Variants in RYR2 observed in about 807,000 individuals in gnomAD.
RYR2 encodes the protein ryanodine receptor 2, also known as cardiac muscle ryanodine receptor-calcium release channel.
Under a neutral mutation model 601.1 loss-of-function variants are expected in RYR2, and 227 were observed. That is an observed-to-expected ratio of 0.38 (90% CI 0.34 to 0.42). RYR2 has a LOEUF of 0.42. Ranked by LOEUF, RYR2 falls within the 10% of genes least tolerant of loss-of-function variation. The pLI is 1.00. For missense variants in RYR2, 4,646 were observed against 6,156.5 expected, an observed-to-expected ratio of 0.75 and a Z score of 8.21; for synonymous variants, 2,223 against 2,175.1, an observed-to-expected ratio of 1.02 and a Z score of -0.61.
intron 1 of RYR2, among the ~76,000 whole-genome samples, chr1:237,208,946 A>ATGTG (rs1553342440): frequency 2.0e-5 from 1 of 49,738 alleles, no homozygotes; most frequent in African/African-American, 8.8e-5. Context: ...GTATATATAT[A>ATGTG]TATATATATA....
intron 55 of RYR2, among the ~76,000 whole-genome samples, chr1:237,660,400 A>G (rs1000485874): frequency 6.6e-6 from 1 of 152,132 alleles, no homozygotes; most frequent in African/African-American, 2.4e-5. Flanking sequence ...ATGACAAAGT[A>G]ATAATGTGCT....
chr1:237,050,110 T>C (rs1661069551), intron 1 of RYR2, among the ~76,000 whole-genome samples: 1 of 152,162 alleles, frequency 6.6e-6, no homozygotes, highest in Admixed American at 6.5e-5. Flanking sequence ...ATTGCTTTCA[T>C]GTTCGTTACC....
chr1:237,396,829 T>C lies in RYR2; in HGVS notation c.773+8646T>C, dbSNP rs567632350. ...TAAACTTCACATTTTATATCAAATC[T>C]AATTCCAAATAGATCACAGACTTAA... On this transcript the variant is annotated intron_variant, in intron 10 of 104. Transcript: ENST00000366574. 7.2e-5 allele frequency among the ~76,000 whole-genome samples: 11 copies of C among 152,286 alleles called. No homozygotes were observed. In the South Asian group the frequency reaches 2.1e-3, roughly 29 times the overall value.
At chr1:237,695,255 T>C (rs1687316088) in intron 63 of RYR2, among the ~76,000 whole-genome samples, 1 of 152,250 alleles carries the variant, frequency 6.6e-6, no homozygotes, top group Non-Finnish European at 1.5e-5. Flanking sequence ...AAACCCAATG[T>C]TGTCCCTATT....
At chr1:237,593,020 CAAA>C (rs34581689) in intron 32 of RYR2, among the ~76,000 whole-genome samples, 5 of 113,882 alleles carry the variant, frequency 4.4e-5, no homozygotes, top group Admixed American at 8.8e-5. Flanking sequence ...GAGTCTATCT[CAAA>C]AAAAAAAAAA....
rs1287380848 is a variant in RYR2 at position 237,792,394 on chromosome 1, T to C, written c.13782+71T>C. The C allele has an allele frequency of 2.8e-4, 216 of 776,456 alleles. 1 individual carries two copies. The Middle Eastern group carries it at 3.0e-3, about 11-fold the overall frequency. 48.1% of individuals were successfully genotyped at this position (776,456 alleles called of 1,614,324 possible). A position where few individuals can be genotyped will look rare whatever the true frequency, so the allele number is the denominator to read the frequency against. On this transcript the variant is annotated intron_variant, in intron 94 of 104. Transcript: ENST00000366574. ...GTGTGTGTGTGTGCGTGTGTGTGTG[T>C]GTGCGTGTGTGTGTGTGTGTGTGTG...
intron 86 of RYR2, among the ~76,000 whole-genome samples, chr1:237,772,841 A>C (rs1306863589): frequency 6.6e-6 from 1 of 152,136 alleles, no homozygotes; most frequent in Non-Finnish European, 1.5e-5. Flanking sequence ...AGTGTTGCTG[A>C]AAACACATTT....
At chr1:237,755,917 A>G (rs1234926515) in intron 80 of RYR2, among the ~76,000 whole-genome samples, 2 of 152,230 alleles carry the variant, frequency 1.3e-5, no homozygotes, top group African/African-American at 4.8e-5. Flanking sequence ...TGGCCATGGC[A>G]TGGGAGATTA....
At chr1:237,557,211 C>T (rs909821411) in intron 27 of RYR2, among the ~76,000 whole-genome samples, 2 of 152,184 alleles carry the variant, frequency 1.3e-5, no homozygotes, top group African/African-American at 2.4e-5. Flanking sequence ...CACATGGAAG[C>T]TGACTTCCCC....
intron 27 of RYR2, among the ~76,000 whole-genome samples, chr1:237,552,061 G>A (rs943265259): frequency 5.3e-5 from 8 of 152,202 alleles, no homozygotes; most frequent in East Asian, 3.9e-4. Context: ...ATTAAATGAC[G>A]TATCTACTTG....
At chr1:237,315,219 C>G (rs1050714572) in intron 2 of RYR2, among the ~76,000 whole-genome samples, 1 of 151,950 alleles carries the variant, frequency 6.6e-6, no homozygotes, top group Non-Finnish European at 1.5e-5. Context: ...TGTATGTGAA[C>G]GAATTGGGTG....
chr1:237,071,121 T>C (rs1010622417), intron 1 of RYR2, among the ~76,000 whole-genome samples: 5 of 152,222 alleles, frequency 3.3e-5, no homozygotes, highest in African/African-American at 4.8e-5. Context: ...AGGAGCTTCA[T>C]TGAGTAAAAG....
At chr1:237,594,886 G>T (rs3121871) in intron 33 of RYR2, among the ~76,000 whole-genome samples, 1,041 of 60,416 alleles carry the variant, frequency 0.017, 8 homozygotes, top group Middle Eastern at 0.031. Context: ...ATATCACTGG[G>T]TTTTTTTTTT....
intron 10 of RYR2, among the ~76,000 whole-genome samples, chr1:237,411,182 C>A (rs1057157796): frequency 4.6e-5 from 7 of 152,126 alleles, no homozygotes; most frequent in African/African-American, 1.2e-4. Flanking sequence ...TTGACTGCAA[C>A]CTCACAAGAG....
At chr1:237,535,687 A>G (rs1668547731) in intron 25 of RYR2, among the ~76,000 whole-genome samples, 1 of 152,188 alleles carries the variant, frequency 6.6e-6, no homozygotes, top group Admixed American at 6.5e-5. Flanking sequence ...ATAGATGCAA[A>G]AATGCTAAGG....
intron 102 of RYR2, among the ~76,000 whole-genome samples, chr1:237,829,634 A>AC (rs1663553187): frequency 6.6e-6 from 1 of 152,188 alleles, no homozygotes; most frequent in African/African-American, 2.4e-5. Flanking sequence ...CAGTTGCTCA[A>AC]TGTGACCTAT....
Position 237,635,008 on chromosome 1 carries a change from G to C in RYR2, c.6792+16G>C. ...TCTAGAAAAGGTGAGCAATGTTCCT[G>C]CCCTGTGTGTTTGTCTGAATTATGC... is the stretch of plus-strand genomic sequence containing the variant. On this transcript the variant is annotated intron_variant, in intron 44 of 104. Transcript: ENST00000366574. 2.7e-6 allele frequency: 4 copies of C among 1,492,722 alleles called. No individual in the cohort carries two copies. In the South Asian group the frequency reaches 4.0e-5, roughly 15 times the overall value. 92.5% of individuals were successfully genotyped at this position (1,492,722 alleles called of 1,614,324 possible). A position where few individuals can be genotyped will look rare whatever the true frequency, so the allele number is the denominator to read the frequency against.
At chr1:237,347,547 C>T (rs1698410440) in intron 3 of RYR2, among the ~76,000 whole-genome samples, 1 of 152,064 alleles carries the variant, frequency 6.6e-6, no homozygotes, top group South Asian at 2.1e-4. Flanking sequence ...TAACAAATCC[C>T]TAGGCACCAA....
chr1:237,485,246 A>T lies in RYR2; in HGVS notation c.1709-6560A>T, dbSNP rs372190669. 2.7e-3 allele frequency among the ~76,000 whole-genome samples: 411 copies of T among 152,344 alleles called. 1 individual carries two copies. Among genetic ancestry groups the T allele is most frequent in the African/African-American group, 9.7e-3 (405 of 41,586 alleles). On this transcript the variant is annotated intron_variant, in intron 17 of 104. Transcript: ENST00000366574. ...ACACTTAACAATTATGAATCTTGTT[A>T]TGAGTAAATAAATAAATGGCAGATT...
Sources: gnomAD v4.1 joint callset for allele counts (sites outside exome capture counted in the v4.1 genomes callset) on GRCh38, gnomAD v4.1.1 for gene constraint, MANE v1.5 for transcripts, NCBI Gene and HGNC (gene_info 2026-07-23, HGNC 2026-07-21) for gene names.